Variants in RICTOR observed in about 807,000 individuals in gnomAD.
RICTOR encodes the protein RPTOR independent companion of MTOR complex 2.
In RICTOR, 49 loss-of-function variants were observed where a neutral mutation model predicts 214.9. That is an observed-to-expected ratio of 0.23 (90% confidence interval 0.18 to 0.29). The LOEUF (loss-of-function observed/expected upper bound fraction) is 0.29, where lower values mean the gene tolerates loss of function less well. Ranked by LOEUF, RICTOR falls within the 10% of genes least tolerant of loss-of-function variation. The probability of loss-of-function intolerance (pLI) is 1.00; values close to 1 mark genes in which losing one functional copy is unlikely to be tolerated. For synonymous variants in RICTOR, 717 were observed against 711.3 expected, an observed-to-expected ratio of 1.01 and a Z score of -0.13; for missense variants, 1,625 against 2,047.0, an observed-to-expected ratio of 0.79 and a Z score of 3.98.
intron 9 of RICTOR, 83 bp downstream of exon 9, chr5:38,978,500 G>T: frequency 1.7e-6 from 1 of 577,676 alleles, no homozygotes; most frequent in South Asian, 2.9e-5. Context: ...TTCTCTGGCT[G>T]TACATGGAAT....
intron 3 of RICTOR, 124 bp downstream of exon 3, chr5:39,020,915 A>G (rs563518708): frequency 2.4e-4 from 150 of 629,054 alleles, no homozygotes; most frequent in Non-Finnish European, 4.0e-4. Context: ...GAGAAGCAGG[A>G]AAGAAAAGCA....
At chr5:39,052,426 C>G (rs181755970) in intron 2 of RICTOR, among the ~76,000 whole-genome samples, 6 of 152,150 alleles carry the variant, frequency 3.9e-5, no homozygotes, top group Admixed American at 2.6e-4. Context: ...TGCAACCTAT[C>G]GTGTCTACAA....
rs750074262 is a variant in RICTOR at position 38,968,013 on chromosome 5, C to T, written c.990G>A (p.Val330=). 2 of 1,603,384 alleles carry T rather than the reference C, an allele frequency of 1.2e-6. No individual in the cohort carries two copies. Among genetic ancestry groups the T allele is most frequent in the South Asian group, 2.2e-5 (2 of 90,868 alleles). ...NMEIRRGLLE[V]LYDIFRLPLP... is the part of the protein sequence containing the mutation. ...GAGGAAGACGAAATATATCATAAAG[C>T]ACTTCAAGTAGACCTCGCTAAATTA... Residue 330 remains valine, a synonymous_variant, in exon 12 of 38, where the codon GTG becomes GTA. Transcript: ENST00000357387.
Position 38,962,518 on chromosome 5 carries a change from T to C in RICTOR, c.1635A>G (p.Glu545=). The change falls in exon 18 of 38, where the codon GAA becomes GAG. Residue 545 remains glutamate, a synonymous_variant. Coordinates refer to ENST00000357387, the MANE Select transcript of RICTOR (RefSeq NM_152756.5). ...SQVLQHKENL[E]WNWNLIGTIL... ...TGGTCCCTATAAGATTCCAATTCCA[T>C]TCAAGATTCTCTTTATGTTGAAGGA... 1 of 1,583,026 alleles carries C rather than the reference T, an allele frequency of 6.3e-7. No homozygotes were observed. The highest frequency in any genetic ancestry group is 8.6e-7 in the Non-Finnish European group (1 of 1,158,426).
chr5:39,001,121 T>C (rs951530751), intron 5 of RICTOR, among the ~76,000 whole-genome samples: 8 of 152,030 alleles, frequency 5.3e-5, no homozygotes, highest in Non-Finnish European at 1.2e-4. Context: ...TAGATGAAAA[T>C]GCAGAACCCA....
chr5:38,959,748 A>G, intron 21 of RICTOR, 31 bp downstream of exon 21: 1 of 1,427,800 alleles, frequency 7.0e-7, no homozygotes, highest in East Asian at 2.3e-5. Context: ...AAGTTCATGT[A>G]TATATTGCAA....
intron 2 of RICTOR, among the ~76,000 whole-genome samples, chr5:39,065,459 G>T (rs1445133534): frequency 6.6e-6 from 1 of 152,066 alleles, no homozygotes; most frequent in Non-Finnish European, 1.5e-5. Context: ...TCTGCCCACG[G>T]CCCCTCCCAA....
At position 38,938,539 on chromosome 5, in the gene RICTOR, T is replaced by C; in HGVS notation, c.*3765A>G. On this transcript the variant is annotated 3_prime_UTR_variant, in exon 38 of 38. Transcript: ENST00000357387. ...AAAGAAAGTAAAACAAAATGTGCAA[T>C]TTATGCATGCTGTGGTGCAGCTATC... is the stretch of plus-strand genomic sequence containing the variant. 1 of 232,866 alleles carries C rather than the reference T, an allele frequency of 4.3e-6. No homozygotes were observed. Among genetic ancestry groups the C allele is most frequent in the Non-Finnish European group, 8.5e-6 (1 of 117,606 alleles). The allele number at this position is 232,866 out of a possible 1,614,324, so 14.4% of individuals were successfully genotyped here.
At chr5:39,064,677 G>A (rs1758777923) in intron 2 of RICTOR, among the ~76,000 whole-genome samples, 2 of 152,158 alleles carry the variant, frequency 1.3e-5, no homozygotes, top group Non-Finnish European at 1.5e-5. Flanking sequence ...ACTGCAGGTG[G>A]ATCACTTAAA....
At chr5:39,054,352 T>TA (rs1252304440) in intron 2 of RICTOR, among the ~76,000 whole-genome samples, 1 of 152,076 alleles carries the variant, frequency 6.6e-6, no homozygotes, top group Non-Finnish European at 1.5e-5. Flanking sequence ...CAGTGGCAGT[T>TA]AAAGTTGAAT....
chr5:39,036,515 G>T (rs548478345), intron 2 of RICTOR, among the ~76,000 whole-genome samples: 20 of 152,256 alleles, frequency 1.3e-4, no homozygotes, highest in Middle Eastern at 3.4e-3. Context: ...AAAAGACACA[G>T]ACTGGCAAAT....
rs1383020493 is a variant in RICTOR at position 39,074,382 on chromosome 5, A to G, written c.-5T>C. The G allele has an allele frequency of 2.1e-5, 32 of 1,538,846 alleles. No individual in the cohort carries two copies. The highest frequency in any genetic ancestry group is 2.5e-5 in the Non-Finnish European group (28 of 1,141,814). On this transcript the variant is annotated 5_prime_UTR_variant, in exon 1 of 38. Coordinates refer to ENST00000357387, the MANE Select transcript of RICTOR (RefSeq NM_152756.5). ...GCCGCGGCCGATCGCCGCCATATTG[A>G]CGGGTTTCAGTCACAACACCGGAAA...
intron 2 of RICTOR, among the ~76,000 whole-genome samples, chr5:39,071,899 T>A (rs1759355132): frequency 6.6e-6 from 1 of 152,226 alleles, no homozygotes; most frequent in African/African-American, 2.4e-5. Flanking sequence ...TGTAATCTAA[T>A]CCACAAACAG....
intron 5 of RICTOR, among the ~76,000 whole-genome samples, chr5:38,998,879 G>A (rs1163730565): frequency 6.6e-6 from 1 of 151,718 alleles, no homozygotes; most frequent in East Asian, 1.9e-4. Context: ...AGCCAGGCGT[G>A]GTGGTGCGCA....
chr5:39,065,062 T>C (rs1432258635), intron 2 of RICTOR, among the ~76,000 whole-genome samples: 2 of 152,224 alleles, frequency 1.3e-5, no homozygotes, highest in South Asian at 2.1e-4. Context: ...TATCAGGCCA[T>C]TCTTGCATTG....
intron 2 of RICTOR, among the ~76,000 whole-genome samples, chr5:39,055,335 A>G (rs897749013): frequency 3.3e-5 from 5 of 151,318 alleles, no homozygotes; most frequent in Non-Finnish European, 7.4e-5. Context: ...TTTTCCTTCT[A>G]CTTGAAGACT....
rs571478787 is a variant in RICTOR, at chr5:38,967,418, C to T, written c.1070G>A (p.Arg357Lys). 1 of 1,609,146 alleles carries T rather than the reference C, an allele frequency of 6.2e-7. No homozygotes were observed. Among genetic ancestry groups the T allele is most frequent in the African/African-American group, 1.3e-5 (1 of 74,770 alleles). ...IEALLSVDPG[R>K]FQDSWRLSDG... ...TGAAAGCCTCCAACTGTCTTGGAAC[C>T]TCCCTGGATCTAAATTAGTTAAAAT... Residue 357 changes from arginine to lysine, a missense_variant, in exon 13 of 38, where the codon AGG (arginine) becomes AAG (lysine). Physicochemically the swap from Arg to Lys is conservative, Grantham distance 26. Transcript: ENST00000357387.
intron 2 of RICTOR, among the ~76,000 whole-genome samples, chr5:39,065,757 C>A (rs1308990716): frequency 1.3e-5 from 2 of 152,254 alleles, no homozygotes. Flanking sequence ...GTCATTAAAT[C>A]TTAAAGCTCC....
chr5:39,036,506 A>C (rs957353550), intron 2 of RICTOR, among the ~76,000 whole-genome samples: 2 of 152,240 alleles, frequency 1.3e-5, no homozygotes, highest in African/African-American at 4.8e-5. Context: ...GCTCCAATTA[A>C]AAGACACAGA....
Sources: allele counts gnomAD v4.1 joint callset (sites outside exome capture counted in the v4.1 genomes callset), GRCh38; gene constraint gnomAD v4.1.1; transcripts MANE v1.5; gene names NCBI Gene and HGNC (gene_info 2026-07-23, HGNC 2026-07-21).